The following SAMD3 variants were observed in gnomAD, a reference collection of about 807,000 sequenced individuals.
SAMD3 encodes the protein sterile alpha motif domain-containing protein 3.
SAMD3 carries 63 observed loss-of-function variants against 58.5 expected under a neutral mutation model. The observed-to-expected ratio is 1.08, with a 90% CI of 0.88 to 1.33. The LOEUF (loss-of-function observed/expected upper bound fraction) is 1.33, where lower values mean the gene tolerates loss of function less well. Among genes scored for constraint, SAMD3 ranks in the 40% most tolerant of loss-of-function variants. SAMD3 has a pLI of 0.00. For missense variants in SAMD3, 604 were observed against 608.4 expected (o/e 0.99, Z 0.08); for synonymous variants, 220 against 210.3 (o/e 1.05, Z -0.40).
chr6:130,253,206 G>A (rs1313498080), intron 2 of SAMD3, among the ~76,000 whole-genome samples: 1 of 151,998 alleles, frequency 6.6e-6, no homozygotes, highest in African/African-American at 2.4e-5. Context: ...AGTTTCCTGT[G>A]GTAGAAGTAA....
intron 9 of SAMD3, among the ~76,000 whole-genome samples, chr6:130,152,219 A>C (rs918547612): frequency 8.5e-5 from 13 of 152,172 alleles, no homozygotes; most frequent in African/African-American, 3.1e-4. Context: ...GTGCAGGGAC[A>C]ACTGTCCTCT....
At chr6:130,233,421 A>T (rs369027618) in intron 2 of SAMD3, among the ~76,000 whole-genome samples, 182 of 152,324 alleles carry the variant, frequency 1.2e-3, no homozygotes, top group Middle Eastern at 6.8e-3. Context: ...TGGATTTCAA[A>T]CTAAACATGG....
intron 2 of SAMD3, among the ~76,000 whole-genome samples, chr6:130,288,301 A>G (rs1038373535): frequency 6.6e-6 from 1 of 152,220 alleles, no homozygotes; most frequent in African/African-American, 2.4e-5. Context: ...GCAGGAGTCA[A>G]TGTTGCAGTC....
intron 2 of SAMD3, among the ~76,000 whole-genome samples, chr6:130,245,510 C>G (rs1773511214): frequency 6.6e-6 from 1 of 152,218 alleles, no homozygotes; most frequent in South Asian, 2.1e-4. Flanking sequence ...TGATATTCCA[C>G]TTAGGTTGGA....
intron 2 of SAMD3, among the ~76,000 whole-genome samples, chr6:130,262,057 A>G (rs73607964): frequency 0.011 from 1,604 of 143,934 alleles, 31 homozygotes; most frequent in African/African-American, 0.046. Flanking sequence ...ATATACAAGT[A>G]GTTAAGAAAA....
chr6:130,192,178 T>C (rs2114742199), intron 5 of SAMD3, among the ~76,000 whole-genome samples: 1 of 152,334 alleles, frequency 6.6e-6, no homozygotes, highest in East Asian at 1.9e-4. Context: ...AAATAGTTTG[T>C]GACAAAAATA....
At chr6:130,257,920 G>A (rs1773978862) in intron 2 of SAMD3, among the ~76,000 whole-genome samples, 2 of 152,040 alleles carry the variant, frequency 1.3e-5, no homozygotes, top group Non-Finnish European at 2.9e-5. Flanking sequence ...GGCAAAAATG[G>A]AAGTATACGA....
chr6:130,232,972 C>G (rs1018697975), intron 2 of SAMD3, among the ~76,000 whole-genome samples: 1 of 152,136 alleles, frequency 6.6e-6, no homozygotes, highest in Non-Finnish European at 1.5e-5. Flanking sequence ...ATGCGTGACA[C>G]GAGCTGAGAT....
downstream of SAMD3, chr6:130,143,129 A>AAGAT (rs1256749303): frequency 6.6e-6 from 1 of 152,200 alleles, no homozygotes. Flanking sequence ...TAGAGAGAGA[A>AAGAT]AGATATCTAG....
intron 7 of SAMD3, among the ~76,000 whole-genome samples, chr6:130,177,596 T>G (rs1791846641): frequency 6.6e-6 from 1 of 152,202 alleles, no homozygotes; most frequent in Non-Finnish European, 1.5e-5. Flanking sequence ...CTCTGGCTTC[T>G]GTAACAGCTT....
chr6:130,237,800 T>A (rs1773218296), intron 2 of SAMD3, among the ~76,000 whole-genome samples: 1 of 152,138 alleles, frequency 6.6e-6, no homozygotes, highest in South Asian at 2.1e-4. Context: ...AACCTCCAAA[T>A]TGATTCAGGT....
intron 1 of SAMD3, among the ~76,000 whole-genome samples, chr6:130,346,830 C>G (rs758090402): frequency 3.9e-5 from 6 of 152,190 alleles, no homozygotes; most frequent in African/African-American, 7.2e-5. Flanking sequence ...GGCACCCCCC[C>G]AGTAGGGGTG....
In SAMD3 at chr6:130,275,888, T is replaced by C. The variant is rs532422764; in HGVS notation, c.-188+37090A>G. Reference sequence around the variant, plus strand: ...CCTTGCTCGGACATCTTTTAAGTATTGTGGTAGGCTGGATAATGGCCCTGC... The same window carrying C: ...CCTTGCTCGGACATCTTTTAAGTATCGTGGTAGGCTGGATAATGGCCCTGC... On this transcript the variant is annotated intron_variant, in intron 2 of 13. Transcript: ENST00000368134. Among the ~76,000 whole-genome samples the C allele has an allele frequency of 5.9e-5, 9 of 152,294 alleles. No individual in the cohort carries two copies. In the East Asian group the frequency reaches 1.7e-3, roughly 29 times the overall value.
At chr6:130,218,024 C>A (rs1047107694) in intron 1 of SAMD3, among the ~76,000 whole-genome samples, 1 of 152,142 alleles carries the variant, frequency 6.6e-6, no homozygotes, top group Non-Finnish European at 1.5e-5. Context: ...AATGTCTGGG[C>A]AATTCTCTTG....
chr6:130,186,306 G>A (rs999891962), intron 5 of SAMD3, among the ~76,000 whole-genome samples: 1 of 152,210 alleles, frequency 6.6e-6, no homozygotes, highest in East Asian at 1.9e-4. Flanking sequence ...TAGCATTTTA[G>A]GTCATCCTTT....
chr6:130,171,831 G>A (rs186620943), intron 8 of SAMD3, among the ~76,000 whole-genome samples: 1 of 152,296 alleles, frequency 6.6e-6, no homozygotes, highest in Admixed American at 6.5e-5. Context: ...TACTATTATT[G>A]TGTGGGAGTC....
At chr6:130,244,655 G>A (rs914218990) in intron 2 of SAMD3, among the ~76,000 whole-genome samples, 7 of 151,816 alleles carry the variant, frequency 4.6e-5, no homozygotes, top group African/African-American at 1.7e-4. Context: ...CATGAGAATC[G>A]CCTGAACCCA....
intron 4 of SAMD3, among the ~76,000 whole-genome samples, chr6:130,210,008 A>G (rs1795395198): frequency 6.6e-6 from 1 of 152,122 alleles, no homozygotes. Flanking sequence ...GAGACATTTT[A>G]TTATCTGTGA....
chr6:130,217,083 G>A (rs1401859967), intron 1 of SAMD3, among the ~76,000 whole-genome samples: 2 of 151,940 alleles, frequency 1.3e-5, no homozygotes, highest in Non-Finnish European at 2.9e-5. Context: ...TTCTACTTCT[G>A]GGAAAAACAA....
Sources: allele counts gnomAD v4.1 joint callset (sites outside exome capture counted in the v4.1 genomes callset), GRCh38; gene constraint gnomAD v4.1.1; transcripts MANE v1.5; gene names NCBI Gene and HGNC (gene_info 2026-07-23, HGNC 2026-07-21).